Variants in SPON1 observed in about 807,000 individuals in gnomAD.
SPON1 encodes spondin-1.
SPON1 carries 52 observed loss-of-function variants against 111.7 expected under a neutral mutation model. That is an observed-to-expected ratio of 0.47 (90% CI 0.37 to 0.59). SPON1 has a LOEUF of 0.59. Ranked by LOEUF, SPON1 falls within the 20% of genes least tolerant of loss-of-function variation. SPON1 has a pLI of 0.00. For missense variants in SPON1, 957 were observed against 1,068.5 expected, an observed-to-expected ratio of 0.90 and a Z score of 1.46; for synonymous variants, 410 against 395.8, an observed-to-expected ratio of 1.04 and a Z score of -0.43.
At chr11:14,012,130 G>T (rs1242082268) in intron 2 of SPON1, among the ~76,000 whole-genome samples, 1 of 152,154 alleles carries the variant, frequency 6.6e-6, no homozygotes, top group African/African-American at 2.4e-5. Flanking sequence ...GAGGGAGTTC[G>T]TTGACACTTT....
intron 6 of SPON1, among the ~76,000 whole-genome samples, chr11:14,217,803 G>C (rs1232289509): frequency 1.3e-5 from 2 of 152,156 alleles, no homozygotes; most frequent in Non-Finnish European, 2.9e-5. Context: ...TATAAGGATA[G>C]TTAGCTAATT....
chr11:13,998,039 G>T (rs1848287085), intron 2 of SPON1, among the ~76,000 whole-genome samples: 2 of 152,116 alleles, frequency 1.3e-5, no homozygotes, highest in South Asian at 2.1e-4. Flanking sequence ...CACACACAGT[G>T]CTGGGTGCCA....
At chr11:14,208,386 G>A (rs1461270957) in intron 6 of SPON1, among the ~76,000 whole-genome samples, 1 of 151,876 alleles carries the variant, frequency 6.6e-6, no homozygotes, top group African/African-American at 2.4e-5. Flanking sequence ...CCTCATTTTA[G>A]CACATTCCTT....
In SPON1 at chr11:14,209,179, C is replaced by T. The variant is rs1778777909; in HGVS notation, c.826-34153C>T. Among the ~76,000 whole-genome samples, 4 of 152,142 alleles carry T rather than the reference C, an allele frequency of 2.6e-5. No individual in the cohort carries two copies. In the South Asian group the frequency reaches 8.3e-4, roughly 32 times the overall value. On this transcript the variant is annotated intron_variant, in intron 6 of 15. Coordinates refer to ENST00000576479, the MANE Select transcript of SPON1 (RefSeq NM_006108.4). ...CATTGCCTGAGATATCCTGATGCAA[C>T]TTTGTTATTGACAGCTCACAGAATG...
intron 1 of SPON1, among the ~76,000 whole-genome samples, chr11:13,971,054 C>A (rs552527583): frequency 4.6e-5 from 7 of 152,230 alleles, no homozygotes; most frequent in African/African-American, 1.7e-4. Context: ...TCTAAGAGAG[C>A]TGGATGGAGG....
chr11:14,224,454 T>G lies in SPON1; in HGVS notation c.826-18878T>G, dbSNP rs189735007. ...AAAGAAGCTTAAAAAAAACAAAAGC[T>G]ATGTGGTTCGGGAAACTGCAAGTAG... On this transcript the variant is annotated intron_variant, in intron 6 of 15. Coordinates refer to ENST00000576479, the MANE Select transcript of SPON1 (RefSeq NM_006108.4). 8.5e-4 allele frequency among the ~76,000 whole-genome samples: 130 copies of G among 152,192 alleles called. 4 individuals carry two copies. Among genetic ancestry groups the G allele is most frequent in the Admixed American group, 8.4e-3 (129 of 15,284 alleles).
intron 6 of SPON1, among the ~76,000 whole-genome samples, chr11:14,144,967 C>T (rs1364668980): frequency 6.6e-6 from 1 of 152,118 alleles, no homozygotes; most frequent in Non-Finnish European, 1.5e-5. Flanking sequence ...TCTCCCCTAC[C>T]TCATTCAAGG....
chr11:14,173,552 G>T (rs1378803085), intron 6 of SPON1, among the ~76,000 whole-genome samples: 2 of 152,136 alleles, frequency 1.3e-5, no homozygotes, highest in Non-Finnish European at 2.9e-5. Flanking sequence ...GCGTTCCTTT[G>T]GAGGAGAAGG....
At chr11:13,991,467 CA>C in intron 2 of SPON1, among the ~76,000 whole-genome samples, 1 of 152,140 alleles carries the variant, frequency 6.6e-6, no homozygotes, top group East Asian at 1.9e-4. Flanking sequence ...TTCTAGTCAG[CA>C]ATTCATCTAA....
chr11:14,077,526 G>A (rs373302108), intron 4 of SPON1, among the ~76,000 whole-genome samples: 19 of 151,624 alleles, frequency 1.3e-4, no homozygotes, highest in Admixed American at 6.6e-4. Context: ...TCCAACCCCC[G>A]GGTTCAGGCG....
At position 14,262,932 on chromosome 11, in the gene SPON1, G is replaced by A; in HGVS notation, c.2217G>A (p.Arg739=). Residue 739 remains arginine, a synonymous_variant, in exon 15 of 16, where the codon CGG becomes CGA. Coordinates refer to ENST00000576479, the MANE Select transcript of SPON1 (RefSeq NM_006108.4). ...GGAGGGAGGCCCGAGAGAGCCGGCG[G>A]AGTGAGCAGCTGAAGGAAGAGTCTG... ...LRWREARESR[R]SEQLKEESEG... 1 of 1,613,746 alleles carries A rather than the reference G, an allele frequency of 6.2e-7. No individual in the cohort carries two copies.
intron 1 of SPON1, among the ~76,000 whole-genome samples, chr11:13,966,999 T>C (rs781615394): frequency 5.1e-4 from 77 of 152,224 alleles, no homozygotes; most frequent in Non-Finnish European, 1.0e-3. Context: ...GGATAAGATA[T>C]TGTGTTAAGT....
intron 2 of SPON1, among the ~76,000 whole-genome samples, chr11:14,006,096 C>T (rs1356237065): frequency 2.0e-5 from 3 of 152,104 alleles, no homozygotes; most frequent in African/African-American, 7.2e-5. Flanking sequence ...ATAGAAAGAG[C>T]AGTCTCGGCA....
chr11:14,143,227 A>G (rs140250761), intron 6 of SPON1, among the ~76,000 whole-genome samples: 637 of 152,302 alleles, frequency 4.2e-3, no homozygotes, highest in Middle Eastern at 6.8e-3. Context: ...CCGGCCTGTT[A>G]TTATATCCAG....
intron 6 of SPON1, among the ~76,000 whole-genome samples, chr11:14,136,972 T>C (rs929152604): frequency 2.0e-5 from 3 of 152,180 alleles, no homozygotes; most frequent in Admixed American, 6.5e-5. Context: ...AGTTCTCAAG[T>C]ATGGAATTAT....
At chr11:14,260,536 A>C in intron 13 of SPON1, 52 bp from the exon 14 acceptor site, 2 of 1,576,658 alleles carry the variant, frequency 1.3e-6, no homozygotes, top group South Asian at 1.2e-5. Flanking sequence ...CAGGGAGATC[A>C]ACGAAAACAA....
At chr11:14,100,179 C>T (rs1291442616) in intron 5 of SPON1, among the ~76,000 whole-genome samples, 2 of 149,136 alleles carry the variant, frequency 1.3e-5, no homozygotes, top group Non-Finnish European at 3.0e-5. Context: ...CTTATGTTGA[C>T]TTTCAAAAGC....
intron 2 of SPON1, among the ~76,000 whole-genome samples, chr11:13,998,943 T>A (rs1442612815): frequency 1.3e-5 from 2 of 152,224 alleles, no homozygotes; most frequent in African/African-American, 2.4e-5. Context: ...AGTAGTTTTT[T>A]AAAAAGCCAA....
intron 5 of SPON1, among the ~76,000 whole-genome samples, chr11:14,103,844 T>C (rs1849164337): frequency 6.6e-6 from 1 of 152,258 alleles, no homozygotes; most frequent in Admixed American, 6.5e-5. Flanking sequence ...TATTAATTTA[T>C]CATTTTCTTA....
Sources: gnomAD v4.1 joint callset for allele counts (sites outside exome capture counted in the v4.1 genomes callset) on GRCh38, gnomAD v4.1.1 for gene constraint, MANE v1.5 for transcripts, NCBI Gene and HGNC (gene_info 2026-07-23, HGNC 2026-07-21) for gene names.